ALOX12B: variants seen among roughly 807,000 people sequenced by gnomAD.
The protein encoded by ALOX12B is arachidonate 12-lipoxygenase, 12R-type.
ALOX12B carries 47 observed loss-of-function variants against 78.9 expected under a neutral mutation model. The observed-to-expected ratio is 0.60, with a 90% CI of 0.47 to 0.76. The LOEUF (loss-of-function observed/expected upper bound fraction) is 0.76. Ranked by LOEUF, ALOX12B falls within the 30% of genes least tolerant of loss-of-function variation. The pLI is 0.00. For synonymous variants in ALOX12B, 370 were observed against 374.5 expected, an observed-to-expected ratio of 0.99 and a Z score of 0.14; for missense variants, 805 against 922.6, an observed-to-expected ratio of 0.87 and a Z score of 1.65.
rs773696239 is a variant in ALOX12B, at chr17:8,076,357, A to C, written c.1363-13T>G. The C allele has an allele frequency of 5.0e-6, 8 of 1,589,616 alleles. No homozygotes were observed. Among genetic ancestry groups the C allele is most frequent in the Non-Finnish European group, 6.9e-6 (8 of 1,167,322 alleles). On this transcript the variant is annotated splice_polypyrimidine_tract_variant and intron_variant, in intron 10 of 14. Coordinates refer to ENST00000647874, the MANE Select transcript of ALOX12B (RefSeq NM_001139.3). Reference sequence around the variant, plus strand: ...CCAGGGACATGCCCTGTGAGGAAGGAGGCAGATCCTGGAGCCGGACAGGCA... The same window carrying C: ...CCAGGGACATGCCCTGTGAGGAAGGCGGCAGATCCTGGAGCCGGACAGGCA...
chr17:8,087,660 G>T lies in ALOX12B; in HGVS notation c.-218C>A. The T allele has an allele frequency of 2.8e-6, 2 of 707,828 alleles. No homozygotes were observed. Among genetic ancestry groups the T allele is most frequent in the Non-Finnish European group, 4.7e-6 (2 of 428,306 alleles). The allele number at this position is 707,828 out of a possible 1,614,324, so 43.8% of individuals were successfully genotyped here. ...GGTGGCCGGGGTGGGTGCCGGGCAG[G>T]CCCAGGCGGAGCCCAGCTGGTGGTG... On this transcript the variant is annotated 5_prime_UTR_variant, in exon 1 of 15. Transcript: ENST00000647874.
chr17:8,073,098 C>T, intron 14 of ALOX12B, 50 bp downstream of exon 14: 2 of 1,612,480 alleles, frequency 1.2e-6, no homozygotes, highest in Non-Finnish European at 1.7e-6. Context: ...CCCCCATCCC[C>T]GGCTTCTGGT....
chr17:8,076,670 C>G lies in ALOX12B; in HGVS notation c.1349G>C (p.Gly450Ala), dbSNP rs772257172. Residue 450 changes from glycine to alanine, a missense_variant, in exon 10 of 15, where the codon GGG (glycine) becomes GCG (alanine). Gly to Ala is a moderately conservative substitution (Grantham distance 60). Transcript: ENST00000647874. ...CAGAAGTCTTACCTTGGCAGAGAGC[C>G]CCCCCTCATTGAGGAGAACGGCCCG... ...IGRAVLLNEG[G>A]LSAKGMSLGV... 7 of 1,551,380 alleles carry G rather than the reference C, an allele frequency of 4.5e-6. No homozygotes were observed. The highest frequency in any genetic ancestry group is 5.2e-6 in the Non-Finnish European group (6 of 1,146,988).
Position 8,087,369 on chromosome 17 carries a change from G to A in ALOX12B, c.74C>T (p.Thr25Ile). 1 of 1,614,204 alleles carries A rather than the reference G, an allele frequency of 6.2e-7. No individual in the cohort carries two copies. The highest frequency in any genetic ancestry group is 8.5e-7 in the Non-Finnish European group (1 of 1,180,038). ...LSGTRDSISL[T>I]IVGTQGESHK... ...GCTCTCTCCTTGTGTCCCCACAATG[G>A]TCAGTGAGATGGAGTCCCGTGTTCC... The change falls in exon 1 of 15, where the codon ACC becomes ATC. Residue 25 changes from threonine (T) to isoleucine (I), a missense_variant. Thr to Ile is a moderately conservative substitution (Grantham distance 89, BLOSUM62 -1). Transcript: ENST00000647874.
chr17:8,080,214 C>G lies in ALOX12B; in HGVS notation c.754+21G>C. 3 of 1,611,846 alleles carry G rather than the reference C, an allele frequency of 1.9e-6. No individual in the cohort carries two copies. Among genetic ancestry groups the G allele is most frequent in the East Asian group, 4.5e-5 (2 of 44,874 alleles). On this transcript the variant is annotated intron_variant, in intron 6 of 14. Transcript: ENST00000647874. The surrounding 1 kb of genome is among the most constrained non-coding windows in gnomAD (Gnocchi z 4.8). Reference sequence around the variant, plus strand: ...GACCGCCTGGCTCCCCCTGCTCGATCCGGGACGCCCCATTCCATACCGGAG... The same window carrying G: ...GACCGCCTGGCTCCCCCTGCTCGATGCGGGACGCCCCATTCCATACCGGAG...
intron 12 of ALOX12B, among the ~76,000 whole-genome samples, chr17:8,074,462 CCCT>C (rs1255599443): frequency 2.0e-5 from 3 of 151,962 alleles, no homozygotes; most frequent in African/African-American, 7.2e-5. Context: ...CCCCTCCCTC[CCCT>C]CCTCCTCCCC....
intron 2 of ALOX12B, among the ~76,000 whole-genome samples, chr17:8,082,645 C>T (rs1977240341): frequency 6.6e-6 from 1 of 152,220 alleles, no homozygotes; most frequent in South Asian, 2.1e-4. Context: ...CAGTGTTTCA[C>T]CCTGAACATC....
In ALOX12B at chr17:8,084,272, C is replaced by T. The variant is rs80193343; in HGVS notation, c.352+1744G>A. Among the ~76,000 whole-genome samples the T allele has an allele frequency of 8.9e-4, 135 of 152,322 alleles. 1 individual carries two copies. The highest frequency in any genetic ancestry group is 3.1e-3 in the African/African-American group (130 of 41,562). On this transcript the variant is annotated intron_variant, in intron 2 of 14. Transcript: ENST00000647874. ...CTGGTGGTCCCCAGGCTGGCCTGTG[C>T]CTACCGCTGCAGCCCATCATTTCCC...
Position 8,080,522 on chromosome 17 carries a change from TC to T in ALOX12B, c.650+135del, listed in dbSNP as rs1977192393. 6.8e-7 allele frequency: 1 copy of T among 1,469,024 alleles called. No homozygotes were observed. The highest frequency in any genetic ancestry group is 9.4e-7 in the Non-Finnish European group (1 of 1,062,688). The allele number at this position is 1,469,024 out of a possible 1,614,324, so 91.0% of individuals were successfully genotyped here. On this transcript the variant is annotated intron_variant, in intron 5 of 14. Coordinates refer to ENST00000647874, the MANE Select transcript of ALOX12B (RefSeq NM_001139.3). This position sits in a 1 kb window ranked among gnomAD's most constrained non-coding sequence, Gnocchi z 4.8. ...GTCTCTGGGATCATGTCTCAGGTTT[TC>T]TGGGTCTGCGTTTCAGCTCCCTCTG...
At chr17:8,073,442 G>GGCTGGGTTGGTT in intron 13 of ALOX12B, 124 bp from the exon 14 acceptor site, 1 of 1,408,470 alleles carries the variant, frequency 7.1e-7, no homozygotes, top group Non-Finnish European at 9.9e-7. Context: ...GCTGAGGCTG[G>GGCTGGGTTGGTT]GCTGGGTTGG....
Position 8,079,377 on chromosome 17 carries a change from C to T in ALOX12B, c.1071+19G>A. 6.4e-7 allele frequency: 1 copy of T among 1,551,628 alleles called. No individual in the cohort carries two copies. The highest frequency in any genetic ancestry group is 8.7e-7 in the Non-Finnish European group (1 of 1,147,866). On this transcript the variant is annotated intron_variant, in intron 8 of 14. Coordinates refer to ENST00000647874, the MANE Select transcript of ALOX12B (RefSeq NM_001139.3). The surrounding 1 kb of genome is among the most constrained non-coding windows in gnomAD (Gnocchi z 6.4). ...CGCACACAGAGGCTCAGCGGCAGCG[C>T]CGCCTGCAGCCCAGGCACCTGGATG...
Position 8,086,048 on chromosome 17 carries a change from C to T in ALOX12B, c.320G>A (p.Gly107Asp). 1 of 1,614,156 alleles carries T rather than the reference C, an allele frequency of 6.2e-7. No individual in the cohort carries two copies. ...YHFPAYQWMD[G>D]YETLALREAT... ...CTCCCGGAGTGCCAGGGTCTCGTAG[C>T]CATCCATCCACTGGTAGGCGGGGAA... is the stretch of plus-strand genomic sequence containing the variant. Residue 107 changes from glycine (G) to aspartate (D), a missense_variant, in exon 2 of 15, where the codon GGC (glycine) becomes GAC (aspartate). Coordinates refer to ENST00000647874, the MANE Select transcript of ALOX12B (RefSeq NM_001139.3).
intron 2 of ALOX12B, among the ~76,000 whole-genome samples, chr17:8,084,393 A>T (rs1347033867): frequency 6.6e-6 from 1 of 152,160 alleles, no homozygotes; most frequent in Non-Finnish European, 1.5e-5. Context: ...TGTGCAACCC[A>T]GAGACCTAGC....
chr17:8,080,874 G>T lies in ALOX12B; in HGVS notation c.527+10C>A. 1 of 1,613,882 alleles carries T rather than the reference G, an allele frequency of 6.2e-7. No homozygotes were observed. The highest frequency in any genetic ancestry group is 8.5e-7 in the Non-Finnish European group (1 of 1,179,992). The stretch of plus-strand genomic sequence containing the variant: ...CATGGGCGGGGCCCAGCACAGCTTC[G>T]GGTCCTTACTCAGGCCGGTTGGGGT... On this transcript the variant is annotated intron_variant, in intron 4 of 14. Coordinates refer to ENST00000647874, the MANE Select transcript of ALOX12B (RefSeq NM_001139.3). The surrounding 1 kb of genome is among the most constrained non-coding windows in gnomAD (Gnocchi z 4.8).
At chr17:8,076,616 G>A (rs1481289452) in intron 10 of ALOX12B, 41 bp downstream of exon 10, 1 of 1,536,288 alleles carries the variant, frequency 6.5e-7, no homozygotes, top group Admixed American at 2.0e-5. Flanking sequence ...AAGGCCAGAG[G>A]AAAACAAATG....
chr17:8,086,001 G>A lies in ALOX12B; in HGVS notation c.352+15C>T, dbSNP rs1417387381. The A allele has an allele frequency of 3.7e-6, 6 of 1,613,552 alleles. No individual in the cohort carries two copies. The highest frequency in any genetic ancestry group is 1.3e-5 in the African/African-American group (1 of 75,040). On this transcript the variant is annotated intron_variant, in intron 2 of 14. Transcript: ENST00000647874. ...CCTCACGGCCATAGGATGGAGCAGGGTGATGAGGGCTTACCTGTGGCCTCC... is the reference window on the plus strand; with the variant it reads ...CCTCACGGCCATAGGATGGAGCAGGATGATGAGGGCTTACCTGTGGCCTCC...
chr17:8,076,783 G>A, intron 9 of ALOX12B, 40 bp from the exon 10 acceptor site: 1 of 1,539,560 alleles, frequency 6.5e-7, no homozygotes, highest in African/African-American at 1.4e-5. Context: ...GAGGGCTGAA[G>A]TGGCCCCCAA....
rs780420901 is a variant in ALOX12B at position 8,073,215 on chromosome 17, G to T, written c.1859C>A (p.Pro620Gln). ...TTLETFMDTL[P>Q]DVKTTCITLL... is the part of the protein sequence containing the mutation. ...CGTGATGCACGTGGTCTTCACATCC[G>T]GCAACGTGTCCATGAAGGTCTCCAG... Residue 620 changes from proline (P) to glutamine (Q), a missense_variant, in exon 14 of 15, where the codon CCG becomes CAG. Pro to Gln is a moderately conservative substitution (Grantham distance 76). Transcript: ENST00000647874. 1 of 1,614,160 alleles carries T rather than the reference G, an allele frequency of 6.2e-7. No individual in the cohort carries two copies. The highest frequency in any genetic ancestry group is 8.5e-7 in the Non-Finnish European group (1 of 1,180,034).
intron 2 of ALOX12B, among the ~76,000 whole-genome samples, chr17:8,084,521 A>T (rs1978291628): frequency 6.6e-6 from 1 of 152,110 alleles, no homozygotes; most frequent in Non-Finnish European, 1.5e-5. Flanking sequence ...CCTGGCCACC[A>T]GCATCACCCT....
Sources: gnomAD v4.1 joint callset for allele counts (sites outside exome capture counted in the v4.1 genomes callset) on GRCh38, gnomAD v4.1.1 for gene constraint, Gnocchi (gnomAD v3.1) non-coding constraint, MANE v1.5 for transcripts, NCBI Gene and HGNC (gene_info 2026-07-23, HGNC 2026-07-21) for gene names.